Variants in NDST3 observed in about 807,000 individuals in gnomAD.
NDST3 encodes the protein bifunctional heparan sulfate N-deacetylase/N-sulfotransferase 3.
Under a neutral mutation model 96.1 loss-of-function variants are expected in NDST3, and 58 were observed. The observed-to-expected ratio is 0.60, with a 90% CI of 0.49 to 0.75. NDST3 has a LOEUF of 0.75. Ranked by LOEUF, NDST3 falls within the 30% of genes least tolerant of loss-of-function variation. The probability of loss-of-function intolerance (pLI) is 0.00; values close to 1 mark genes in which losing one functional copy is unlikely to be tolerated. For missense variants in NDST3, 788 were observed against 1,034.2 expected (o/e 0.76, Z 3.27); for synonymous variants, 333 against 359.7 (o/e 0.93, Z 0.84).
At chr4:118,096,648 T>C (rs1729327326) in intron 2 of NDST3, among the ~76,000 whole-genome samples, 2 of 149,154 alleles carry the variant, frequency 1.3e-5, no homozygotes, top group Non-Finnish European at 3.0e-5. Context: ...ACATACTCCA[T>C]TATGGCTAGA....
At chr4:118,124,546 A>G (rs1731880284) in intron 4 of NDST3, among the ~76,000 whole-genome samples, 1 of 152,064 alleles carries the variant, frequency 6.6e-6, no homozygotes, top group Non-Finnish European at 1.5e-5. Context: ...GAAGAGAAGC[A>G]CTGAGATTGA....
intron 6 of NDST3, among the ~76,000 whole-genome samples, chr4:118,158,699 A>C (rs1009841077): frequency 2.6e-5 from 4 of 152,244 alleles, no homozygotes; most frequent in African/African-American, 7.2e-5. Context: ...GAAATCTGAC[A>C]GTTTCTTACT....
rs758153337 is a variant in NDST3, at chr4:118,054,676, A to G, written c.766A>G (p.Thr256Ala). ...PSISKGAFYA[T>A]IIHDLGLHDG... Reference sequence around the variant, plus strand: ...CATCTCTAAAGGTGCTTTTTATGCCACTATTATACATGACCTGGGGCTTCA... The same window carrying G: ...CATCTCTAAAGGTGCTTTTTATGCCGCTATTATACATGACCTGGGGCTTCA... Residue 256 changes from threonine (T) to alanine (A), a missense_variant, in exon 2 of 14, where the codon ACT (threonine) becomes GCT (alanine). Thr to Ala is a moderately conservative substitution (Grantham distance 58). This residue lies in a region of NDST3 where 490 missense variants were observed against 708.8 expected (regional missense o/e 0.69). Transcript: ENST00000296499. The G allele has an allele frequency of 1.1e-5, 18 of 1,613,210 alleles. No individual in the cohort carries two copies. The South Asian group carries it at 2.0e-4, about 18-fold the overall frequency.
At chr4:118,103,689 T>C (rs1183924679) in intron 2 of NDST3, among the ~76,000 whole-genome samples, 17 of 152,294 alleles carry the variant, frequency 1.1e-4, no homozygotes, top group Admixed American at 1.0e-3. Flanking sequence ...CTGTCCCTGA[T>C]GACATTGCTG....
Position 118,051,274 on chromosome 4 carries a change from T to G in NDST3, c.-155-2482T>G, listed in dbSNP as rs1453833138. Among the ~76,000 whole-genome samples the G allele has an allele frequency of 2.0e-5, 3 of 152,090 alleles. No individual in the cohort carries two copies. In the East Asian group the frequency reaches 5.8e-4, roughly 29 times the overall value. On this transcript the variant is annotated intron_variant, in intron 1 of 13. Transcript: ENST00000296499. Reference sequence around the variant, plus strand: ...AAGCAAATTAAGTAAGCAAGTTAATTCAAATGCAGGACATCAAACTATAAA... The same window carrying G: ...AAGCAAATTAAGTAAGCAAGTTAATGCAAATGCAGGACATCAAACTATAAA...
intron 5 of NDST3, among the ~76,000 whole-genome samples, chr4:118,142,483 TA>T (rs1253952832): frequency 6.6e-6 from 1 of 151,998 alleles, no homozygotes; most frequent in Non-Finnish European, 1.5e-5. Flanking sequence ...ATAAAAACAC[TA>T]GTATATTTCT....
chr4:118,255,849 C>T lies in NDST3; in HGVS notation c.*137C>T, dbSNP rs72919247. On this transcript the variant is annotated 3_prime_UTR_variant, in exon 14 of 14. Coordinates refer to ENST00000296499, the MANE Select transcript of NDST3 (RefSeq NM_004784.3). ...GAACAGTTTCTTCCATGTGCTGGCA[C>T]GTGGATGATTAGAAAAAAAGAAAAA... The T allele has an allele frequency of 0.03, 30,269 of 1,022,274 alleles. 780 individuals are homozygous for T. The highest frequency in any genetic ancestry group is 0.12 in the African/African-American group (7,386 of 61,006). The allele number at this position is 1,022,274 out of a possible 1,614,324, so 63.3% of individuals were successfully genotyped here.
intron 2 of NDST3, among the ~76,000 whole-genome samples, chr4:118,058,366 C>T (rs530936333): frequency 4.1e-5 from 6 of 145,878 alleles, no homozygotes; most frequent in African/African-American, 1.5e-4. Flanking sequence ...TTTAAAGATC[C>T]TCAAAGCCAC....
intron 6 of NDST3, among the ~76,000 whole-genome samples, chr4:118,220,204 C>A (rs1739447008): frequency 6.6e-6 from 1 of 152,040 alleles, no homozygotes; most frequent in South Asian, 2.1e-4. Context: ...GTGGAACCAA[C>A]CCAAATGCCC....
At chr4:118,235,704 T>G (rs936145258) in intron 9 of NDST3, among the ~76,000 whole-genome samples, 2 of 152,170 alleles carry the variant, frequency 1.3e-5, no homozygotes, top group African/African-American at 4.8e-5. Flanking sequence ...AGCTTCTACA[T>G]AAGAAGCATC....
chr4:118,101,780 G>A (rs537731184), intron 2 of NDST3, among the ~76,000 whole-genome samples: 13 of 152,148 alleles, frequency 8.5e-5, no homozygotes, highest in African/African-American at 3.1e-4. Flanking sequence ...AACTACATAA[G>A]TATGTGTTGA....
At chr4:118,059,235 T>C (rs1360382096) in intron 2 of NDST3, among the ~76,000 whole-genome samples, 1 of 152,110 alleles carries the variant, frequency 6.6e-6, no homozygotes, top group East Asian at 1.9e-4. Flanking sequence ...TGTACTTCTT[T>C]CTGGAGGTAC....
chr4:118,125,098 T>C (rs886113595), intron 4 of NDST3, among the ~76,000 whole-genome samples: 2 of 152,092 alleles, frequency 1.3e-5, no homozygotes, highest in African/African-American at 4.8e-5. Context: ...CAGGCTGATA[T>C]CACCTTGCTC....
At chr4:118,093,003 G>A (rs1174967356) in intron 2 of NDST3, among the ~76,000 whole-genome samples, 2 of 118,174 alleles carry the variant, frequency 1.7e-5, no homozygotes, top group South Asian at 6.8e-4. Context: ...GTGATGCTCT[G>A]AGGAAGAGAC....
At chr4:118,153,259 T>C (rs1734517805) in intron 6 of NDST3, among the ~76,000 whole-genome samples, 1 of 152,196 alleles carries the variant, frequency 6.6e-6, no homozygotes, top group African/African-American at 2.4e-5. Flanking sequence ...TTATTATATG[T>C]ATTGCTCCAT....
intron 12 of NDST3, among the ~76,000 whole-genome samples, chr4:118,249,027 G>A (rs1193645300): frequency 6.6e-6 from 1 of 152,098 alleles, no homozygotes; most frequent in African/African-American, 2.4e-5. Context: ...CCTAGGCTAG[G>A]TGCCAGCTAC....
chr4:118,222,561 A>T (rs1376996331), intron 6 of NDST3, among the ~76,000 whole-genome samples: 1 of 152,030 alleles, frequency 6.6e-6, no homozygotes, highest in African/African-American at 2.4e-5. Context: ...CCTTTAGCTT[A>T]TGGTGCACCT....
At chr4:118,151,951 G>T (rs1734428178) in intron 6 of NDST3, among the ~76,000 whole-genome samples, 1 of 152,068 alleles carries the variant, frequency 6.6e-6, no homozygotes, top group Non-Finnish European at 1.5e-5. Context: ...ATAATTGTGG[G>T]TTGTATTAGC....
At chr4:118,233,254 T>A (rs1740428684) in intron 9 of NDST3, 119 bp downstream of exon 9, 2 of 892,858 alleles carry the variant, frequency 2.2e-6, no homozygotes, top group South Asian at 8.4e-5. Flanking sequence ...CCTCTGTGCC[T>A]TGGAAATTGA....
Sources: allele counts gnomAD v4.1 joint callset (sites outside exome capture counted in the v4.1 genomes callset), GRCh38; gene constraint gnomAD v4.1.1; regional missense constraint gnomAD v4.1.1; transcripts MANE v1.5; gene names NCBI Gene and HGNC (gene_info 2026-07-23, HGNC 2026-07-21).